Variants in PPFIBP2 observed in about 807,000 individuals in gnomAD.
PPFIBP2 encodes the protein PPFIB scaffold protein 2.
A neutral mutation model predicts 118.3 loss-of-function variants in PPFIBP2; 118 were observed. The observed-to-expected ratio is 1.00, with a 90% CI of 0.86 to 1.16. The LOEUF is 1.16. Ranked by LOEUF, PPFIBP2 falls within the 50% of genes most tolerant of loss-of-function variation. The probability of loss-of-function intolerance (pLI) is 0.00; values close to 1 mark genes in which losing one functional copy is unlikely to be tolerated. For synonymous variants in PPFIBP2, 414 were observed against 397.4 expected (o/e 1.04, Z -0.50); for missense variants, 1,195 against 1,073.1 (o/e 1.11, Z -1.59).
At chr11:7,549,321 C>A in intron 1 of PPFIBP2, 119 bp from the exon 2 acceptor site, 1 of 885,358 alleles carries the variant, frequency 1.1e-6, no homozygotes, top group Non-Finnish European at 1.8e-6. Context: ...TACATGTCGG[C>A]TACTATGATT....
rs1854380065 is a variant in PPFIBP2, at chr11:7,653,517, A to G, written c.*299A>G. 7.4e-7 allele frequency: 1 copy of G among 1,355,152 alleles called. No individual in the cohort carries two copies. The highest frequency in any genetic ancestry group is 9.7e-7 in the Non-Finnish European group (1 of 1,032,048). The allele number at this position is 1,355,152 out of a possible 1,614,324, so 83.9% of individuals were successfully genotyped here. The stretch of plus-strand genomic sequence containing the variant: ...TCATCTTCAGCACCAGTGGAAACAC[A>G]TGAACTTCGATGCAGGTCCAGAGAC... On this transcript the variant is annotated 3_prime_UTR_variant, in exon 24 of 24. Coordinates refer to ENST00000299492, the MANE Select transcript of PPFIBP2 (RefSeq NM_003621.5).
chr11:7,586,928 T>G (rs1260624153), intron 3 of PPFIBP2, among the ~76,000 whole-genome samples: 2 of 152,238 alleles, frequency 1.3e-5, no homozygotes, highest in Non-Finnish European at 2.9e-5. Flanking sequence ...TAGATCTATT[T>G]CTGTTATTTA....
intron 11 of PPFIBP2, among the ~76,000 whole-genome samples, chr11:7,631,964 A>G (rs1051455575): frequency 1.1e-4 from 16 of 152,230 alleles, no homozygotes; most frequent in African/African-American, 2.4e-4. Flanking sequence ...GACCAAGAGG[A>G]TGCTAGGATC....
intron 3 of PPFIBP2, among the ~76,000 whole-genome samples, chr11:7,590,325 A>C (rs901275258): frequency 8.5e-5 from 13 of 152,188 alleles, no homozygotes; most frequent in Non-Finnish European, 4.4e-5. Flanking sequence ...GTGGGTTTCC[A>C]TCTGGAACAT....
chr11:7,648,381 T>TCCTTTG lies in PPFIBP2; in HGVS notation c.1647-4_1647-3insTTTGCC. ...AACAGGAATATGCTGTTTTCCTGCTTCCCAGTGACGCCAATGCCCCCTTTG... is the reference window on the plus strand; with the variant it reads ...AACAGGAATATGCTGTTTTCCTGCTTCCTTTGCCCAGTGACGCCAATGCCCCCTTTG... On this transcript the variant is annotated splice_region_variant and splice_polypyrimidine_tract_variant and intron_variant, in intron 17 of 23. Transcript: ENST00000299492. 6.2e-7 allele frequency: 1 copy of TCCTTTG among 1,608,666 alleles called. No homozygotes were observed. The highest frequency in any genetic ancestry group is 8.5e-7 in the Non-Finnish European group (1 of 1,175,564).
At chr11:7,649,776 C>CT (rs1853695187) in intron 21 of PPFIBP2, 122 bp downstream of exon 21, 1 of 1,405,210 alleles carries the variant, frequency 7.1e-7, no homozygotes, top group Non-Finnish European at 9.7e-7. Context: ...GCCTGGGATT[C>CT]TTTTGTTTGC....
intron 1 of PPFIBP2, among the ~76,000 whole-genome samples, chr11:7,536,233 C>T (rs1213137916): frequency 6.6e-6 from 1 of 152,134 alleles, no homozygotes; most frequent in African/African-American, 2.4e-5. Context: ...CACCCTAGAC[C>T]GCCTCTTAAG....
In PPFIBP2 at chr11:7,617,082, C is replaced by CT. The variant is rs1348072358; in HGVS notation, c.619-3849dup. On this transcript the variant is annotated intron_variant, in intron 6 of 23. Transcript: ENST00000299492. Reference sequence around the variant, plus strand: ...TCTGAGAGCTGTCTGACCTGGAGTGCTTTTCTCTTCTTTCTTTTCCTTCCT... The same window carrying CT: ...TCTGAGAGCTGTCTGACCTGGAGTGCTTTTTCTCTTCTTTCTTTTCCTTCCT... The CT allele has an allele frequency of 3.1e-6, 3 of 982,238 alleles. No individual in the cohort carries two copies. In the African/African-American group the frequency reaches 5.2e-5, roughly 17 times the overall value. 60.8% of individuals were successfully genotyped at this position (982,238 alleles called of 1,614,324 possible). A position where few individuals can be genotyped will look rare whatever the true frequency, so the allele number is the denominator to read the frequency against.
At chr11:7,527,830 G>A (rs1379576688) in intron 1 of PPFIBP2, among the ~76,000 whole-genome samples, 1 of 152,150 alleles carries the variant, frequency 6.6e-6, no homozygotes, top group Non-Finnish European at 1.5e-5. Flanking sequence ...ACAACTGGCG[G>A]CATGATTTGG....
At chr11:7,635,862 CTA>C (rs1364259872) in intron 14 of PPFIBP2, among the ~76,000 whole-genome samples, 2 of 152,106 alleles carry the variant, frequency 1.3e-5, no homozygotes, top group Non-Finnish European at 2.9e-5. Context: ...ACAAAGTAAT[CTA>C]GATTTAATCA....
Position 7,641,751 on chromosome 11 carries a change from A to T in PPFIBP2, c.1517+131A>T, listed in dbSNP as rs568841254. On this transcript the variant is annotated intron_variant, in intron 16 of 23. Coordinates refer to ENST00000299492, the MANE Select transcript of PPFIBP2 (RefSeq NM_003621.5). ...CAAAACAGAGTGTTCATGTTCAAAG[A>T]GAAGAATCTGAGATATTTTCCAGGG... The T allele has an allele frequency of 4.2e-6, 4 of 955,082 alleles. No homozygotes were observed. In the South Asian group the frequency reaches 6.7e-5, roughly 16 times the overall value. 59.2% of individuals were successfully genotyped at this position (955,082 alleles called of 1,614,324 possible).
chr11:7,617,198 A>G (rs1210605712), intron 6 of PPFIBP2: 6 of 985,252 alleles, frequency 6.1e-6, no homozygotes, highest in Non-Finnish European at 7.2e-6. Flanking sequence ...AGCGCCTGTT[A>G]CTCAGTAGGG....
intron 3 of PPFIBP2, among the ~76,000 whole-genome samples, chr11:7,587,642 G>T (rs1160614917): frequency 6.6e-6 from 1 of 152,172 alleles, no homozygotes; most frequent in Non-Finnish European, 1.5e-5. Flanking sequence ...GTGCACACTG[G>T]GTTCATAGCT....
At chr11:7,633,273 G>T (rs1004819390) in intron 12 of PPFIBP2, among the ~76,000 whole-genome samples, 1 of 152,170 alleles carries the variant, frequency 6.6e-6, no homozygotes, top group South Asian at 2.1e-4. Context: ...GTCAGCCTCT[G>T]CCTCCTGCTC....
chr11:7,593,253 AT>A, intron 4 of PPFIBP2, 29 bp downstream of exon 4: 1 of 1,611,438 alleles, frequency 6.2e-7, no homozygotes. Context: ...GAATCGGCTT[AT>A]CCTGTTACCT....
chr11:7,580,171 A>G (rs901495899), intron 3 of PPFIBP2, among the ~76,000 whole-genome samples: 3 of 151,962 alleles, frequency 2.0e-5, no homozygotes, highest in Admixed American at 2.0e-4. Flanking sequence ...AGCTTTTACC[A>G]CAGATGACCA....
chr11:7,549,585 C>T, intron 2 of PPFIBP2, 46 bp downstream of exon 2: 1 of 1,452,980 alleles, frequency 6.9e-7, no homozygotes, highest in Non-Finnish European at 9.1e-7. Context: ...CCTCCACATT[C>T]CAGGAACTGC....
At chr11:7,643,497 C>G (rs1161183530) in intron 17 of PPFIBP2, among the ~76,000 whole-genome samples, 1 of 152,198 alleles carries the variant, frequency 6.6e-6, no homozygotes, top group African/African-American at 2.4e-5. Flanking sequence ...GCAGTTCCAG[C>G]CACAGGCTGC....
intron 3 of PPFIBP2, among the ~76,000 whole-genome samples, chr11:7,566,302 G>C (rs1351072842): frequency 6.6e-6 from 1 of 152,104 alleles, no homozygotes; most frequent in Admixed American, 6.5e-5. Context: ...CTAAACTTTT[G>C]ATTCTATATC....
Sources: allele counts gnomAD v4.1 joint callset (sites outside exome capture counted in the v4.1 genomes callset), GRCh38; gene constraint gnomAD v4.1.1; transcripts MANE v1.5; gene names NCBI Gene and HGNC (gene_info 2026-07-23, HGNC 2026-07-21).